RAP1A: variants seen among roughly 807,000 people sequenced by gnomAD.
RAP1A encodes ras-related protein Rap-1A.
Under a neutral mutation model 26.4 loss-of-function variants are expected in RAP1A, and 6 were observed. The ratio of observed to expected loss-of-function variants is 0.23; its 90% confidence interval spans 0.12 to 0.45. The LOEUF (loss-of-function observed/expected upper bound fraction) is 0.45. RAP1A is among the 20% of genes least tolerant of loss of function. The pLI, the probability that RAP1A is intolerant of heterozygous loss-of-function variation, is 0.99. For synonymous variants in RAP1A, 73 were observed against 79.4 expected (o/e 0.92, Z 0.43); for missense variants, 121 against 217.2 (o/e 0.56, Z 2.78).
chr1:111,638,780 A>G (rs1214240631), intron 1 of RAP1A, among the ~76,000 whole-genome samples: 2 of 151,786 alleles, frequency 1.3e-5, no homozygotes, highest in Admixed American at 1.3e-4. Flanking sequence ...ACCAGATGTT[A>G]ATTACTTTTG....
At chr1:111,642,122 G>A (rs995822292) in intron 1 of RAP1A, among the ~76,000 whole-genome samples, 1 of 152,156 alleles carries the variant, frequency 6.6e-6, no homozygotes, top group African/African-American at 2.4e-5. Context: ...GTGCATGCCT[G>A]TAATCCCAGC....
intron 1 of RAP1A, among the ~76,000 whole-genome samples, chr1:111,581,068 C>CTT (rs1236543516): frequency 1.3e-5 from 2 of 150,274 alleles, no homozygotes. Flanking sequence ...TTTGCTATTT[C>CTT]TCAGTGGGAG....
intron 1 of RAP1A, among the ~76,000 whole-genome samples, chr1:111,684,327 G>T (rs141928121): frequency 6.6e-6 from 1 of 152,252 alleles, no homozygotes; most frequent in South Asian, 2.1e-4. Flanking sequence ...GAAATAAAGG[G>T]TATTCAAACA....
At chr1:111,692,809 A>G (rs999984317) in intron 2 of RAP1A, among the ~76,000 whole-genome samples, 5 of 152,176 alleles carry the variant, frequency 3.3e-5, no homozygotes, top group African/African-American at 1.2e-4. Flanking sequence ...GATACCTGTA[A>G]AATCATAGAG....
At chr1:111,626,475 G>T (rs1474279092) in intron 1 of RAP1A, among the ~76,000 whole-genome samples, 1 of 151,954 alleles carries the variant, frequency 6.6e-6, no homozygotes, top group African/African-American at 2.4e-5. Context: ...TCTGTTTAAC[G>T]TCAGAAGTTG....
At chr1:111,620,316 C>T (rs899222327) in intron 1 of RAP1A, among the ~76,000 whole-genome samples, 3 of 152,252 alleles carry the variant, frequency 2.0e-5, no homozygotes, top group Non-Finnish European at 4.4e-5. Context: ...GACACGGTGC[C>T]CTCGTACCTC....
At chr1:111,700,750 T>C (rs1481042465) in intron 4 of RAP1A, among the ~76,000 whole-genome samples, 1 of 152,226 alleles carries the variant, frequency 6.6e-6, no homozygotes, top group Non-Finnish European at 1.5e-5. Flanking sequence ...TTTCCAGTCT[T>C]TCCCATCTCA....
intron 1 of RAP1A, among the ~76,000 whole-genome samples, chr1:111,579,286 G>A (rs1260913968): frequency 6.6e-6 from 1 of 152,128 alleles, no homozygotes; most frequent in African/African-American, 2.4e-5. Flanking sequence ...CACCTTATTA[G>A]TATAAATGCT....
chr1:111,634,906 G>A (rs1659681929), intron 1 of RAP1A, among the ~76,000 whole-genome samples: 1 of 152,096 alleles, frequency 6.6e-6, no homozygotes, highest in Non-Finnish European at 1.5e-5. Flanking sequence ...GCCTCCCAAA[G>A]TGCTAGGGTT....
chr1:111,544,317 A>C (rs1055218852), intron 1 of RAP1A, among the ~76,000 whole-genome samples: 4 of 152,186 alleles, frequency 2.6e-5, no homozygotes, highest in African/African-American at 4.8e-5. Context: ...AATGTTGTAC[A>C]ACCATCACTA....
intron 1 of RAP1A, among the ~76,000 whole-genome samples, chr1:111,567,430 G>T (rs529868624): frequency 2.6e-5 from 4 of 152,322 alleles, no homozygotes; most frequent in South Asian, 2.1e-4. Context: ...CTTGCTAAAA[G>T]TCTCATCACT....
chr1:111,690,082 T>C (rs939406290), intron 1 of RAP1A, among the ~76,000 whole-genome samples: 3 of 152,340 alleles, frequency 2.0e-5, no homozygotes, highest in South Asian at 2.1e-4. Flanking sequence ...CTGCTTCTTT[T>C]AAAGAATTTT....
intron 1 of RAP1A, among the ~76,000 whole-genome samples, chr1:111,668,020 A>T (rs1016763611): frequency 7.2e-5 from 11 of 152,050 alleles, no homozygotes; most frequent in Non-Finnish European, 1.5e-4. Context: ...ACTCCTGCCA[A>T]CTCCGAGGAA....
upstream of RAP1A, among the ~76,000 whole-genome samples, chr1:111,617,032 G>A (rs542209580): frequency 1.4e-4 from 21 of 152,312 alleles, no homozygotes; most frequent in African/African-American, 4.6e-4. Flanking sequence ...GGGTATGCAT[G>A]TGTGTGTATG....
intron 4 of RAP1A, among the ~76,000 whole-genome samples, chr1:111,698,500 C>CTTG (rs538218360): frequency 2.9e-3 from 446 of 152,192 alleles, no homozygotes; most frequent in African/African-American, 0.01. Context: ...AACTCCTGAC[C>CTTG]TCAAGTGTTC....
chr1:111,676,319 C>G (rs899846237), intron 1 of RAP1A, among the ~76,000 whole-genome samples: 3 of 152,086 alleles, frequency 2.0e-5, no homozygotes, highest in South Asian at 4.1e-4. Context: ...TCATGCCACT[C>G]AAGCCTGGGT....
At chr1:111,648,797 C>T in intron 1 of RAP1A, 1 of 659,300 alleles carries the variant, frequency 1.5e-6, no homozygotes, top group Non-Finnish European at 2.8e-6. Context: ...CCTGTCGATT[C>T]TTTCAAGCCA....
chr1:111,597,446 C>G (rs1323637973), intron 1 of RAP1A, among the ~76,000 whole-genome samples: 1 of 152,082 alleles, frequency 6.6e-6, no homozygotes. Flanking sequence ...TGGATTTTGT[C>G]GTAATCCTAC....
intron 4 of RAP1A, among the ~76,000 whole-genome samples, chr1:111,702,184 T>C (rs1662041008): frequency 1.3e-5 from 2 of 152,236 alleles, no homozygotes; most frequent in Non-Finnish European, 2.9e-5. Context: ...AGAAACTTTG[T>C]GGATTTATCT....
Sources: gnomAD v4.1 joint callset for allele counts (sites outside exome capture counted in the v4.1 genomes callset) on GRCh38, gnomAD v4.1.1 for gene constraint, MANE v1.5 for transcripts, NCBI Gene and HGNC (gene_info 2026-07-23, HGNC 2026-07-21) for gene names.